The following ZNF177 variants were observed in gnomAD, a reference collection of about 807,000 sequenced individuals.
ZNF177 encodes zinc finger protein 177.
Under a neutral mutation model 19.4 loss-of-function variants are expected in ZNF177, and 17 were observed. The observed-to-expected ratio is 0.87, with a 90% CI of 0.60 to 1.31. The LOEUF is 1.31. ZNF177 is among the 40% of genes most tolerant of loss of function. The pLI is 0.00. For synonymous variants in ZNF177, 220 were observed against 188.7 expected (o/e 1.17, Z -1.36); for missense variants, 633 against 561.8 (o/e 1.13, Z -1.28).
chr19:9,380,801 T>G, exon 6 of ZNF177: 1 of 1,536,142 alleles, frequency 6.5e-7, no homozygotes, highest in Non-Finnish European at 8.7e-7. Flanking sequence ...AGCAAAGTCT[T>G]CAACCATCCC....
At chr19:9,382,522 G>A, downstream of ZNF177, 1 of 397,556 alleles carries the variant, frequency 2.5e-6, no homozygotes, top group East Asian at 3.6e-5. Flanking sequence ...TAACTGCCAT[G>A]TGGTTTAAAC....
chr19:9,365,225 A>G (rs761549961), intron 2 of ZNF177, among the ~76,000 whole-genome samples: 1 of 152,074 alleles, frequency 6.6e-6, no homozygotes, highest in Non-Finnish European at 1.5e-5. Context: ...GAGTTGATAT[A>G]AGGAGGAAGG....
intron 2 of ZNF177, among the ~76,000 whole-genome samples, chr19:9,368,814 A>T (rs1339309016): frequency 6.6e-6 from 1 of 152,142 alleles, no homozygotes; most frequent in East Asian, 1.9e-4. Context: ...TTTGCTTGAA[A>T]AATATGAAAC....
intron 2 of ZNF177, among the ~76,000 whole-genome samples, chr19:9,365,790 C>T (rs146251101): frequency 2.0e-5 from 3 of 152,022 alleles, no homozygotes; most frequent in East Asian, 1.9e-4. Context: ...TGAAGTGTGG[C>T]GCCAAGATTG....
chr19:9,381,417 C>T (rs1383667380), exon 6 of ZNF177: 5 of 1,613,886 alleles, frequency 3.1e-6, no homozygotes, highest in Non-Finnish European at 3.4e-6. Flanking sequence ...TGAGAACCCA[C>T]ACTGGAGAGA....
At position 9,380,749 on chromosome 19, in the gene ZNF177, A is replaced by T. The variant is rs1247334741; in HGVS notation, c.418A>T (p.Arg140Ter). The T allele has an allele frequency of 1.3e-6, 2 of 1,535,984 alleles. No individual in the cohort carries two copies. The highest frequency in any genetic ancestry group is 3.9e-5 in the Admixed American group (2 of 50,972). ...AAAGAACACTCGCTTTATTTGTACAAGATATTGCAAGGGAGAGAAATGCTA... is the reference window on the plus strand; with the variant it reads ...AAAGAACACTCGCTTTATTTGTACATGATATTGCAAGGGAGAGAAATGCTA... The change falls in exon 6 of 6, where the codon AGA (arginine) becomes TGA (stop). Residue 140 changes from arginine (R) to a stop codon, truncating the protein, a stop_gained. Coordinates refer to ENST00000589262, the Ensembl canonical transcript of ZNF177. LOFTEE classifies it low-confidence loss of function (END_TRUNC).
At chr19:9,382,448 A>G (rs1042902720), downstream of ZNF177, 4 of 398,542 alleles carry the variant, frequency 1.0e-5, no homozygotes, top group Non-Finnish European at 1.8e-5. Context: ...GGGAGATACA[A>G]TATTATCTGG....
At position 9,367,432 on chromosome 19, in the gene ZNF177, GT is replaced by G. The variant is rs543756759; in HGVS notation, c.-305+2486del. Among the ~76,000 whole-genome samples, 26 of 152,330 alleles carry G rather than the reference GT, an allele frequency of 1.7e-4. 2 individuals are homozygous for G. In the South Asian group the frequency reaches 5.2e-3, roughly 30 times the overall value. On this transcript the variant is annotated intron_variant, in intron 2 of 8. Coordinates refer to the ZNF177 transcript ENST00000343499. ...GTGATACTGGTTTTTATCACTTTGAGTTGATCATACAATTTTTCTTTTGCTC... is the reference window on the plus strand; with the variant it reads ...GTGATACTGGTTTTTATCACTTTGAGTGATCATACAATTTTTCTTTTGCTC...
intron 2 of ZNF177, among the ~76,000 whole-genome samples, chr19:9,368,760 G>A (rs2068011716): frequency 6.6e-6 from 1 of 152,018 alleles, no homozygotes. Flanking sequence ...AAGTTATTTG[G>A]AAGTGTGATG....
exon 6 of ZNF177, chr19:9,381,446 A>C: frequency 6.2e-7 from 1 of 1,611,678 alleles, no homozygotes; most frequent in Middle Eastern, 1.7e-4. Context: ...GAATGCAGTG[A>C]CTGTGGAAAA....
chr19:9,370,710 C>T (rs1390608151), intron 2 of ZNF177, among the ~76,000 whole-genome samples: 4 of 152,176 alleles, frequency 2.6e-5, no homozygotes, highest in Non-Finnish European at 4.4e-5. Flanking sequence ...GTGTGAGCCA[C>T]TGTGCCGGGC....
chr19:9,377,522 G>T (rs1376246307), intron 1 of ZNF177, among the ~76,000 whole-genome samples: 3 of 152,216 alleles, frequency 2.0e-5, no homozygotes, highest in Non-Finnish European at 4.4e-5. Flanking sequence ...GTCAGACAGT[G>T]ATACTCAAGA....
upstream of ZNF177, among the ~76,000 whole-genome samples, chr19:9,374,844 C>CT (rs2068090293): frequency 1.3e-5 from 2 of 151,964 alleles, no homozygotes; most frequent in Non-Finnish European, 2.9e-5. Context: ...CTTTTGTTTT[C>CT]TTGCGTAATT....
At chr19:9,366,584 CATTG>C (rs2067983363) in intron 2 of ZNF177, among the ~76,000 whole-genome samples, 1 of 152,108 alleles carries the variant, frequency 6.6e-6, no homozygotes, top group Non-Finnish European at 1.5e-5. Context: ...AATGATAGTC[CATTG>C]TATGGATATA....
At chr19:9,366,275 C>G (rs1451038956) in intron 2 of ZNF177, among the ~76,000 whole-genome samples, 5 of 152,166 alleles carry the variant, frequency 3.3e-5, no homozygotes, top group Non-Finnish European at 7.4e-5. Context: ...GCCACCGTGC[C>G]TAGCCTCATT....
chr19:9,370,030 C>T (rs1316641727), intron 2 of ZNF177, among the ~76,000 whole-genome samples: 1 of 152,178 alleles, frequency 6.6e-6, no homozygotes, highest in Non-Finnish European at 1.5e-5. Context: ...CTTCCAGTTC[C>T]TATCTCCTGA....
intron 2 of ZNF177, 138 bp downstream of exon 4, chr19:9,378,482 A>G: frequency 7.4e-7 from 1 of 1,350,164 alleles, no homozygotes; most frequent in Admixed American, 2.6e-5. Context: ...CTTCATGTGG[A>G]AGAGGGAATC....
intron 5 of ZNF177, among the ~76,000 whole-genome samples, 191 bp downstream of exon 7, chr19:9,380,330 C>T (rs1005047815): frequency 4.6e-5 from 7 of 151,118 alleles, no homozygotes; most frequent in African/African-American, 1.7e-4. Flanking sequence ...TTAACACTTG[C>T]TGGCTCACAG....
chr19:9,363,967 T>C (rs1305020172), intron 1 of ZNF177, among the ~76,000 whole-genome samples: 1 of 152,216 alleles, frequency 6.6e-6, no homozygotes. Flanking sequence ...TTTGATAGAT[T>C]AAAGACATTC....
Sources: gnomAD v4.1 joint callset for allele counts (sites outside exome capture counted in the v4.1 genomes callset) on GRCh38, gnomAD v4.1.1 for gene constraint, MANE v1.5 for transcripts, NCBI Gene and HGNC (gene_info 2026-07-23, HGNC 2026-07-21) for gene names.